Variants in ATXN7 observed in about 807,000 individuals in gnomAD.
The protein encoded by ATXN7 is ataxin 7, also known as ataxin-7.
In ATXN7, 12 loss-of-function variants were observed where a neutral mutation model predicts 70.5. The ratio of observed to expected loss-of-function variants is 0.17; its 90% CI spans 0.11 to 0.28. The LOEUF (loss-of-function observed/expected upper bound fraction) is 0.28, where lower values mean the gene tolerates loss of function less well. Ranked by LOEUF, ATXN7 falls within the 10% of genes least tolerant of loss-of-function variation. The pLI, the probability that ATXN7 is intolerant of heterozygous loss-of-function variation, is 1.00. For synonymous variants in ATXN7, 498 were observed against 448.7 expected (o/e 1.11, Z -1.39); for missense variants, 1,256 against 1,131.7 (o/e 1.11, Z -1.58).
At chr3:63,991,128 A>G (rs547692316) in intron 11 of ATXN7, 2 of 446,258 alleles carry the variant, frequency 4.5e-6, no homozygotes, top group African/African-American at 1.9e-5. Flanking sequence ...GGAGAAAAAA[A>G]CTAGTCTACA....
At chr3:63,990,956 C>T in intron 11 of ATXN7, 97 bp downstream of exon 11, 1 of 1,572,962 alleles carries the variant, frequency 6.4e-7, no homozygotes, top group South Asian at 1.1e-5. Flanking sequence ...ATATGCTTAT[C>T]TAAACAAAAC....
chr3:63,980,410 A>G (rs1197409191), intron 6 of ATXN7: 8 of 555,182 alleles, frequency 1.4e-5, no homozygotes, highest in African/African-American at 3.8e-5. Flanking sequence ...CTAGCTACTG[A>G]AACCTAACTC....
chr3:63,863,525 C>T (rs1299925540), upstream of ATXN7: 2 of 1,191,942 alleles, frequency 1.7e-6, no homozygotes, highest in Non-Finnish European at 2.1e-6. Context: ...GCGCTGCCTC[C>T]GGGAGAGCGG....
intron 8 of ATXN7, 39 bp downstream of exon 8, chr3:63,983,060 A>G (rs544060033): frequency 1.6e-5 from 24 of 1,504,388 alleles, no homozygotes; most frequent in Middle Eastern, 1.7e-4. Context: ...CCATCCTGAT[A>G]AACATGGGTG....
intron 11 of ATXN7, among the ~76,000 whole-genome samples, chr3:63,993,597 C>G (rs2075708784): frequency 6.6e-6 from 1 of 152,164 alleles, no homozygotes; most frequent in Non-Finnish European, 1.5e-5. Flanking sequence ...TATGCAAACA[C>G]AAGTCAGTAT....
At chr3:63,892,017 A>C (rs1703281600) in intron 1 of ATXN7, among the ~76,000 whole-genome samples, 1 of 152,160 alleles carries the variant, frequency 6.6e-6, no homozygotes, top group South Asian at 2.1e-4. Context: ...TTCCTCACTT[A>C]CAAGTATTCT....
At chr3:63,928,746 A>C (rs144103806) in intron 4 of ATXN7, among the ~76,000 whole-genome samples, 1 of 152,352 alleles carries the variant, frequency 6.6e-6, no homozygotes, top group South Asian at 2.1e-4. Flanking sequence ...TGATTTATCA[A>C]TTCAGCAGTG....
At chr3:63,911,849 C>G (rs1704025061) in intron 2 of ATXN7, 1 of 152,380 alleles carries the variant, frequency 6.6e-6, no homozygotes, top group Admixed American at 6.5e-5. Context: ...TCTGCGGCGG[C>G]TTCCCATTCA....
chr3:63,980,242 T>C, intron 6 of ATXN7, 75 bp downstream of exon 6: 1 of 1,548,536 alleles, frequency 6.5e-7, no homozygotes, highest in Non-Finnish European at 8.8e-7. Flanking sequence ...CATGTGAGAG[T>C]GCCTGTGAGT....
chr3:63,929,700 G>A (rs186503714), intron 4 of ATXN7, among the ~76,000 whole-genome samples: 145 of 152,146 alleles, frequency 9.5e-4, no homozygotes, highest in African/African-American at 2.4e-3. Flanking sequence ...TGCTTGCCCG[G>A]GTGGTAATGC....
In ATXN7 at chr3:63,996,051, G is replaced by A. The variant is rs2075753872; in HGVS notation, c.2229G>A (p.Gly743=). 3 of 1,613,860 alleles carry A rather than the reference G, an allele frequency of 1.9e-6. No individual in the cohort carries two copies. The highest frequency in any genetic ancestry group is 2.5e-6 in the Non-Finnish European group (3 of 1,180,002). The stretch of plus-strand genomic sequence containing the variant: ...GGAAAAACTGTGTGGCTCACTCTGG[G>A]CCTCCCTACCCCTCAACGGTAACAT... ...SFRKNCVAHS[G]PPYPSTVTSS... Residue 743 remains glycine (G), a synonymous_variant, in exon 12 of 13, where the codon GGG becomes GGA. Coordinates refer to ENST00000674280, the MANE Select transcript of ATXN7 (RefSeq NM_001377405.1).
At chr3:63,982,898 A>C (rs1427143670) in intron 7 of ATXN7, 41 bp from the exon 8 acceptor site, 1 of 1,459,582 alleles carries the variant, frequency 6.9e-7, no homozygotes, top group Non-Finnish European at 9.6e-7. Context: ...CATGGAGGAG[A>C]GTTTGTCAGG....
chr3:63,884,343 G>A (rs116314541), intron 1 of ATXN7, among the ~76,000 whole-genome samples: 25,522 of 151,268 alleles, frequency 0.17, 2,830 homozygotes, highest in Middle Eastern at 0.3. Flanking sequence ...GCTCCCAAAG[G>A]TCAAACCTAG....
At chr3:63,889,225 C>G (rs145359363) in intron 1 of ATXN7, among the ~76,000 whole-genome samples, 1 of 152,062 alleles carries the variant, frequency 6.6e-6, no homozygotes, top group African/African-American at 2.4e-5. Context: ...AAAAGTCCAT[C>G]CTATCAACAA....
At chr3:63,912,421 G>C (rs1297849872) in intron 2 of ATXN7, among the ~76,000 whole-genome samples, 167 bp from the exon 3 acceptor site, 2 of 151,510 alleles carry the variant, frequency 1.3e-5, no homozygotes, top group African/African-American at 2.4e-5. Flanking sequence ...AGCCCGGGGC[G>C]GGGGGTGGCC....
In ATXN7 at chr3:63,988,078, G is replaced by A. The variant is rs1338151694; in HGVS notation, c.1115G>A (p.Arg372His). 2 of 1,613,916 alleles carry A rather than the reference G, an allele frequency of 1.2e-6. No homozygotes were observed. Among genetic ancestry groups the A allele is most frequent in the African/African-American group, 1.3e-5 (1 of 74,880 alleles). ...CCACAGACACATTCCTTAACCCAGC[G>A]CAGGGCTGTCCAGGGTAGAAGAAAA... ...LTCKTHSLTQ[R>H]RAVQGRRKRF... is the part of the protein sequence containing the mutation. The change falls in exon 9 of 13, where the codon CGC (arginine) becomes CAC (histidine). Residue 372 changes from arginine to histidine, a missense_variant. Arg to His is a conservative substitution (Grantham distance 29, BLOSUM62 0). Coordinates refer to ENST00000674280, the MANE Select transcript of ATXN7 (RefSeq NM_001377405.1).
chr3:63,909,209 G>A (rs1319223477), intron 2 of ATXN7, among the ~76,000 whole-genome samples: 2 of 152,158 alleles, frequency 1.3e-5, no homozygotes, highest in Admixed American at 1.3e-4. Flanking sequence ...AAATGCACTG[G>A]CAGAAGCACT....
intron 12 of ATXN7, 114 bp downstream of exon 12, chr3:63,996,597 T>C: frequency 1.1e-6 from 1 of 913,742 alleles, no homozygotes; most frequent in Non-Finnish European, 1.6e-6. Flanking sequence ...AAACAGATAT[T>C]CAGCTTCATG....
At position 63,955,972 on chromosome 3, in the gene ATXN7, C is replaced by T. The variant is rs563788305; in HGVS notation, c.499+3489C>T. On this transcript the variant is annotated intron_variant, in intron 5 of 12. Transcript: ENST00000674280. Reference sequence around the variant, plus strand: ...CTGAATTGGTGAGCAGCTTATTATTCGGAGTAGTTAAGAAGCCCTGTACTT... The same window carrying T: ...CTGAATTGGTGAGCAGCTTATTATTTGGAGTAGTTAAGAAGCCCTGTACTT... Among the ~76,000 whole-genome samples the T allele has an allele frequency of 2.0e-4, 30 of 152,268 alleles. No homozygotes were observed. The South Asian group carries it at 4.4e-3, about 22-fold the overall frequency.
Sources: gnomAD v4.1 joint callset for allele counts (sites outside exome capture counted in the v4.1 genomes callset) on GRCh38, gnomAD v4.1.1 for gene constraint, MANE v1.5 for transcripts, NCBI Gene and HGNC (gene_info 2026-07-23, HGNC 2026-07-21) for gene names.